The following DLG2 variants were observed in gnomAD, a reference collection of about 807,000 sequenced individuals.
The protein encoded by DLG2 is discs large MAGUK scaffold protein 2, also known as disks large homolog 2.
DLG2 carries 45 observed loss-of-function variants against 132.5 expected under a neutral mutation model. The ratio of observed to expected loss-of-function variants is 0.34; its 90% CI spans 0.27 to 0.44. DLG2 has a LOEUF of 0.44. Ranked by LOEUF, DLG2 falls within the 20% of genes least tolerant of loss-of-function variation. The probability of loss-of-function intolerance (pLI) is 1.00; values close to 1 mark genes in which losing one functional copy is unlikely to be tolerated. For missense variants in DLG2, 1,045 were observed against 1,196.9 expected (o/e 0.87, Z 1.87); for synonymous variants, 424 against 419.6 (o/e 1.01, Z -0.13).
At chr11:84,822,795 A>T (rs1486447488) in intron 6 of DLG2, among the ~76,000 whole-genome samples, 4 of 151,982 alleles carry the variant, frequency 2.6e-5, no homozygotes. Context: ...TTATATTTTC[A>T]AGGGATTAAA....
chr11:84,326,987 A>AT (rs1334830277), intron 7 of DLG2, among the ~76,000 whole-genome samples: 2 of 150,322 alleles, frequency 1.3e-5, no homozygotes, highest in Non-Finnish European at 1.5e-5. Flanking sequence ...ATTTTTTAAC[A>AT]TTTTTTACCT....
At chr11:85,449,341 C>T (rs2153040713) in intron 3 of DLG2, among the ~76,000 whole-genome samples, 1 of 152,106 alleles carries the variant, frequency 6.6e-6, no homozygotes, top group Non-Finnish European at 1.5e-5. Flanking sequence ...TTTAACCACT[C>T]TTTTATGTTT....
intron 3 of DLG2, among the ~76,000 whole-genome samples, chr11:85,539,068 A>G (rs2075796743): frequency 6.6e-6 from 1 of 151,918 alleles, no homozygotes; most frequent in African/African-American, 2.4e-5. Context: ...TAAGACCTTC[A>G]TTGCAGAAGA....
intron 19 of DLG2, among the ~76,000 whole-genome samples, chr11:83,600,016 A>G (rs2058265543): frequency 1.3e-5 from 2 of 152,202 alleles, no homozygotes. Flanking sequence ...AGATAAGCTG[A>G]GTGTAATCTG....
chr11:85,348,492 G>T (rs2152874338), intron 3 of DLG2, among the ~76,000 whole-genome samples: 1 of 152,062 alleles, frequency 6.6e-6, no homozygotes, highest in South Asian at 2.1e-4. Context: ...CAAAGTGCTG[G>T]GATTACAGGC....
At chr11:84,427,733 C>A (rs996419801) in intron 7 of DLG2, among the ~76,000 whole-genome samples, 9 of 150,830 alleles carry the variant, frequency 6.0e-5, no homozygotes, top group African/African-American at 2.0e-4. Context: ...ACATTTTTAC[C>A]CCTCCCATGC....
At chr11:85,118,724 C>T (rs979750077) in intron 5 of DLG2, among the ~76,000 whole-genome samples, 1 of 151,898 alleles carries the variant, frequency 6.6e-6, no homozygotes, top group Non-Finnish European at 1.5e-5. Context: ...GAGTTTAATA[C>T]CATGAGGAAC....
chr11:84,931,284 C>G (rs946820957), intron 6 of DLG2, among the ~76,000 whole-genome samples: 2 of 152,038 alleles, frequency 1.3e-5, no homozygotes, highest in African/African-American at 2.4e-5. Flanking sequence ...CTGTTAGTTA[C>G]TTTTCCTGAT....
intron 6 of DLG2, among the ~76,000 whole-genome samples, chr11:84,544,559 T>G (rs373618667): frequency 6.6e-6 from 1 of 152,296 alleles, no homozygotes; most frequent in Admixed American, 6.5e-5. Flanking sequence ...CAGCCTCACA[T>G]AGTGGAAAGT....
At chr11:83,564,992 GCA>G (rs2096679259) in intron 19 of DLG2, among the ~76,000 whole-genome samples, 3 of 152,136 alleles carry the variant, frequency 2.0e-5, no homozygotes, top group Non-Finnish European at 4.4e-5. Flanking sequence ...AATCAATCAT[GCA>G]GTTCTTTATC....
chr11:85,101,273 C>T (rs2070802730), intron 6 of DLG2, among the ~76,000 whole-genome samples: 3 of 152,046 alleles, frequency 2.0e-5, no homozygotes, highest in Admixed American at 1.3e-4. Context: ...AATAAAATGC[C>T]ATGATTATAC....
chr11:85,248,517 C>T (rs961182708), intron 4 of DLG2, among the ~76,000 whole-genome samples: 2 of 151,864 alleles, frequency 1.3e-5, no homozygotes, highest in African/African-American at 4.8e-5. Flanking sequence ...CCAGCCATGT[C>T]TCATGAATAT....
At chr11:83,754,874 T>A (rs1471140588) in intron 18 of DLG2, among the ~76,000 whole-genome samples, 1 of 151,434 alleles carries the variant, frequency 6.6e-6, no homozygotes, top group Non-Finnish European at 1.5e-5. Flanking sequence ...ATAATTTAAT[T>A]TATAATTATT....
chr11:84,732,735 C>T (rs1042429427), intron 6 of DLG2, among the ~76,000 whole-genome samples: 1 of 151,826 alleles, frequency 6.6e-6, no homozygotes, highest in Non-Finnish European at 1.5e-5. Context: ...TGTTGGTGTG[C>T]TGCACCCATT....
chr11:85,141,307 C>T lies in DLG2; in HGVS notation c.282+13249G>A, dbSNP rs140761241. On this transcript the variant is annotated intron_variant, in intron 5 of 27. Coordinates refer to ENST00000376104, the MANE Select transcript of DLG2 (RefSeq NM_001142699.3). ...CCCACTGTTGTTTTGATTTGCATTT[C>T]TTGATGATTAATAATGTTGAGTATT... is the stretch of plus-strand genomic sequence containing the variant. 4.4e-3 allele frequency among the ~76,000 whole-genome samples: 668 copies of T among 151,864 alleles called. 25 individuals are homozygous for T. The highest frequency in any genetic ancestry group is 0.035 in the Admixed American group (528 of 15,234).
chr11:85,508,912 C>T (rs1474321019), intron 3 of DLG2, among the ~76,000 whole-genome samples: 1 of 152,028 alleles, frequency 6.6e-6, no homozygotes, highest in Non-Finnish European at 1.5e-5. Context: ...CAATGACCAA[C>T]ATATACATAT....
At chr11:85,583,071 T>C (rs908209168) in intron 3 of DLG2, among the ~76,000 whole-genome samples, 13 of 135,902 alleles carry the variant, frequency 9.6e-5, no homozygotes, top group Non-Finnish European at 1.7e-4. Context: ...TATATATATA[T>C]ATATATAATA....
intron 8 of DLG2, among the ~76,000 whole-genome samples, chr11:84,216,963 C>T (rs2096843885): frequency 6.6e-6 from 1 of 152,094 alleles, no homozygotes; most frequent in Non-Finnish European, 1.5e-5. Context: ...GGCAAGCTCA[C>T]ATTTAGCTCC....
intron 6 of DLG2, chr11:84,763,186 C>A (rs1470385184): frequency 9.9e-5 from 15 of 152,186 alleles, no homozygotes; most frequent in Admixed American, 9.8e-4. Flanking sequence ...AGCTCGACAG[C>A]ATTTTGAAAG....
Sources: gnomAD v4.1 joint callset for allele counts (sites outside exome capture counted in the v4.1 genomes callset) on GRCh38, gnomAD v4.1.1 for gene constraint, MANE v1.5 for transcripts, NCBI Gene and HGNC (gene_info 2026-07-23, HGNC 2026-07-21) for gene names.